NEURL1: variants seen among roughly 807,000 people sequenced by gnomAD.
NEURL1 encodes E3 ubiquitin-protein ligase NEURL1.
A neutral mutation model predicts 41.2 loss-of-function variants in NEURL1; 26 were observed. The ratio of observed to expected loss-of-function variants is 0.63; its 90% CI spans 0.46 to 0.87. NEURL1 has a LOEUF of 0.87. NEURL1 is among the 40% of genes least tolerant of loss of function. The pLI is 0.00. For missense variants in NEURL1, 761 were observed against 871.1 expected (o/e 0.87, Z 1.59); for synonymous variants, 400 against 402.3 (o/e 0.99, Z 0.07).
At chr10:103,534,236 T>C (rs1213394632) in intron 1 of NEURL1, among the ~76,000 whole-genome samples, 1 of 152,126 alleles carries the variant, frequency 6.6e-6, no homozygotes, top group Non-Finnish European at 1.5e-5. Flanking sequence ...GAATTCCTTT[T>C]CTTGAAATTT....
chr10:103,539,180 C>G (rs2034766088), intron 1 of NEURL1, among the ~76,000 whole-genome samples: 1 of 152,052 alleles, frequency 6.6e-6, no homozygotes, highest in Non-Finnish European at 1.5e-5. Flanking sequence ...CTCCTGGGTT[C>G]AAGCAGTCCT....
intron 1 of NEURL1, among the ~76,000 whole-genome samples, chr10:103,553,529 G>T (rs952282788): frequency 6.6e-6 from 1 of 152,154 alleles, no homozygotes; most frequent in African/African-American, 2.4e-5. Context: ...TGGCTCAGGG[G>T]AGCATCGGCC....
intron 4 of NEURL1, among the ~76,000 whole-genome samples, chr10:103,587,096 G>A (rs1284779238): frequency 6.6e-6 from 1 of 152,022 alleles, no homozygotes; most frequent in Non-Finnish European, 1.5e-5. Flanking sequence ...GAAAAATCAA[G>A]CAAGCAGGCA....
At chr10:103,520,961 C>G (rs1008540287) in intron 1 of NEURL1, among the ~76,000 whole-genome samples, 50 of 152,238 alleles carry the variant, frequency 3.3e-4, no homozygotes, top group African/African-American at 1.2e-3. Flanking sequence ...AGGAAAAAAA[C>G]AGGTATTAAA....
intron 1 of NEURL1, among the ~76,000 whole-genome samples, chr10:103,542,027 G>C (rs2034830880): frequency 6.6e-6 from 1 of 152,188 alleles, no homozygotes; most frequent in African/African-American, 2.4e-5. Flanking sequence ...CCCTTTCTCA[G>C]AGGGGTTCCA....
chr10:103,564,883 T>C (rs1183299625), intron 1 of NEURL1, among the ~76,000 whole-genome samples: 1 of 151,924 alleles, frequency 6.6e-6, no homozygotes. Flanking sequence ...AATGCCAGGA[T>C]GGAGGAGGGG....
intron 1 of NEURL1, among the ~76,000 whole-genome samples, chr10:103,543,689 A>G (rs1592210073): frequency 6.6e-6 from 1 of 152,212 alleles, no homozygotes; most frequent in African/African-American, 2.4e-5. Context: ...GACTGGCTGG[A>G]CAGCCTTGGA....
intron 2 of NEURL1, 136 bp from the exon 3 acceptor site, chr10:103,571,365 C>G: frequency 9.6e-7 from 1 of 1,046,208 alleles, no homozygotes; most frequent in African/African-American, 1.6e-5. Flanking sequence ...GCAGGGAGGG[C>G]TCCTGGGAGG....
intron 1 of NEURL1, among the ~76,000 whole-genome samples, chr10:103,524,714 G>A (rs76805713): frequency 0.013 from 1,986 of 152,238 alleles, 35 homozygotes; most frequent in African/African-American, 0.044. Flanking sequence ...TCCATCCCCA[G>A]TGAATGTTCT....
intron 1 of NEURL1, among the ~76,000 whole-genome samples, chr10:103,499,182 C>T (rs562529580): frequency 1.3e-5 from 2 of 152,292 alleles, no homozygotes; most frequent in South Asian, 2.1e-4. Context: ...CAGCGAGACA[C>T]CTGTTGTTTT....
At chr10:103,585,675 A>G (rs2035906221) in intron 4 of NEURL1, among the ~76,000 whole-genome samples, 1 of 152,100 alleles carries the variant, frequency 6.6e-6, no homozygotes, top group Non-Finnish European at 1.5e-5. Context: ...TCTACTAAAA[A>G]TACAAACAAT....
chr10:103,576,890 C>G (rs1481756065), intron 3 of NEURL1, among the ~76,000 whole-genome samples: 1 of 152,080 alleles, frequency 6.6e-6, no homozygotes. Flanking sequence ...TCTCCAGGCC[C>G]CCTGGAGATA....
At chr10:103,525,914 T>C (rs2034450224) in intron 1 of NEURL1, among the ~76,000 whole-genome samples, 1 of 152,208 alleles carries the variant, frequency 6.6e-6, no homozygotes, top group Non-Finnish European at 1.5e-5. Context: ...TGTTGAGATA[T>C]ACTCCTTCTA....
chr10:103,565,119 A>G (rs945660728), intron 1 of NEURL1, among the ~76,000 whole-genome samples: 46 of 152,114 alleles, frequency 3.0e-4, no homozygotes, highest in African/African-American at 9.2e-4. Flanking sequence ...TTCCTGAGGC[A>G]GGATTGGTAG....
chr10:103,539,719 G>A (rs6584554), intron 1 of NEURL1, among the ~76,000 whole-genome samples: 39,891 of 152,160 alleles, frequency 0.26, 6,896 homozygotes, highest in African/African-American at 0.49. Context: ...AGCGTGCAAT[G>A]TGTCCAATGA....
intron 1 of NEURL1, among the ~76,000 whole-genome samples, chr10:103,570,348 G>T (rs2035512633): frequency 6.6e-6 from 1 of 152,156 alleles, no homozygotes; most frequent in South Asian, 2.1e-4. Context: ...GGGAAGTGTT[G>T]TCTTCCCCAA....
chr10:103,533,685 C>T (rs11517079), intron 1 of NEURL1, among the ~76,000 whole-genome samples: 103,546 of 152,008 alleles, frequency 0.68, 35,436 homozygotes, highest in South Asian at 0.83. Flanking sequence ...TACAGGCGCC[C>T]GCCATCACAC....
chr10:103,569,862 C>A (rs542048913), intron 1 of NEURL1, among the ~76,000 whole-genome samples: 1 of 152,166 alleles, frequency 6.6e-6, no homozygotes, highest in Non-Finnish European at 1.5e-5. Flanking sequence ...CCTGGGGCTT[C>A]GGAGACTGCT....
intron 1 of NEURL1, among the ~76,000 whole-genome samples, chr10:103,522,098 G>A (rs1313840838): frequency 6.6e-6 from 1 of 152,122 alleles, no homozygotes; most frequent in African/African-American, 2.4e-5. Context: ...TAATCACTCG[G>A]TTAAGGTGGG....
Sources: allele counts gnomAD v4.1 joint callset (sites outside exome capture counted in the v4.1 genomes callset), GRCh38; gene constraint gnomAD v4.1.1; transcripts MANE v1.5; gene names NCBI Gene and HGNC (gene_info 2026-07-23, HGNC 2026-07-21).